The following PDE10A variants were observed in gnomAD, a reference collection of about 807,000 sequenced individuals.
PDE10A encodes cAMP and cAMP-inhibited cGMP 3',5'-cyclic phosphodiesterase 10A.
PDE10A carries 39 observed loss-of-function variants against 97.7 expected under a neutral mutation model. That is an observed-to-expected ratio of 0.40 (90% CI 0.31 to 0.52). The LOEUF (loss-of-function observed/expected upper bound fraction) is 0.52, where lower values mean the gene tolerates loss of function less well. Ranked by LOEUF, PDE10A falls within the 20% of genes least tolerant of loss-of-function variation. The probability of loss-of-function intolerance (pLI) is 0.56; values close to 1 mark genes in which losing one functional copy is unlikely to be tolerated. For missense variants in PDE10A, 731 were observed against 1,047.8 expected (o/e 0.70, Z 4.17); for synonymous variants, 371 against 376.8 (o/e 0.98, Z 0.18).
At chr6:165,467,178 G>C (rs151091507) in intron 3 of PDE10A, among the ~76,000 whole-genome samples, 29 of 152,338 alleles carry the variant, frequency 1.9e-4, no homozygotes, top group African/African-American at 6.5e-4. Context: ...GTTACTTCAT[G>C]AGGTTTAAAG....
chr6:165,788,288 C>T (rs1056305230), intron 1 of PDE10A, among the ~76,000 whole-genome samples: 4 of 151,856 alleles, frequency 2.6e-5, no homozygotes, highest in Non-Finnish European at 5.9e-5. Context: ...GAGGCCGAGG[C>T]GGGCAGATCA....
At chr6:165,603,522 T>C (rs547533268) in intron 1 of PDE10A, among the ~76,000 whole-genome samples, 1 of 152,340 alleles carries the variant, frequency 6.6e-6, no homozygotes, top group African/African-American at 2.4e-5. Context: ...CAGAGGGAAG[T>C]CTTCCCGAAA....
At chr6:165,925,032 A>G (rs980022298) in intron 1 of PDE10A, among the ~76,000 whole-genome samples, 2 of 152,184 alleles carry the variant, frequency 1.3e-5, no homozygotes, top group African/African-American at 4.8e-5. Flanking sequence ...AAGGTCTTGA[A>G]TCTAGAACCT....
chr6:165,857,433 G>A (rs1375774252), intron 1 of PDE10A, among the ~76,000 whole-genome samples: 1 of 152,176 alleles, frequency 6.6e-6, no homozygotes, highest in African/African-American at 2.4e-5. Context: ...CTCTTATAAG[G>A]TCTTGCACAA....
chr6:165,975,109 C>T (rs1784810287), intron 1 of PDE10A, among the ~76,000 whole-genome samples: 2 of 152,230 alleles, frequency 1.3e-5, no homozygotes, highest in Admixed American at 6.5e-5. Context: ...CTGTACACTC[C>T]TCTGCTGTGG....
chr6:165,830,589 C>G (rs1476414932), intron 1 of PDE10A, among the ~76,000 whole-genome samples: 1 of 152,044 alleles, frequency 6.6e-6, no homozygotes, highest in Non-Finnish European at 1.5e-5. Flanking sequence ...CGGGAGTTAC[C>G]CACAAGACCA....
intron 11 of PDE10A, among the ~76,000 whole-genome samples, chr6:165,417,420 G>A (rs913747574): frequency 6.6e-6 from 1 of 152,172 alleles, no homozygotes. Context: ...TTAAGAAGCC[G>A]CCCTTACATA....
At chr6:165,343,779 G>A (rs1782126710) in intron 18 of PDE10A, among the ~76,000 whole-genome samples, 4 of 152,166 alleles carry the variant, frequency 2.6e-5, no homozygotes, top group Non-Finnish European at 4.4e-5. Context: ...TGTAGGCTCT[G>A]ACTAGGCTGC....
chr6:165,523,778 A>G (rs780054425), intron 2 of PDE10A, among the ~76,000 whole-genome samples: 2 of 152,314 alleles, frequency 1.3e-5, no homozygotes, highest in Admixed American at 6.5e-5. Flanking sequence ...AAACCTAACT[A>G]AAGAGCTCTG....
At chr6:165,678,308 C>T (rs1790881967) in intron 1 of PDE10A, among the ~76,000 whole-genome samples, 1 of 40,014 alleles carries the variant, frequency 2.5e-5, no homozygotes. Context: ...GTTGTGTGTG[C>T]ATGTGTGTGC....
intron 3 of PDE10A, among the ~76,000 whole-genome samples, chr6:165,462,155 T>C (rs992595919): frequency 6.6e-6 from 1 of 152,208 alleles, no homozygotes; most frequent in African/African-American, 2.4e-5. Flanking sequence ...TTTTTCTCTA[T>C]GTGGAATATT....
intron 2 of PDE10A, among the ~76,000 whole-genome samples, chr6:165,507,008 T>A (rs181525410): frequency 5.3e-5 from 8 of 152,164 alleles, no homozygotes; most frequent in Non-Finnish European, 1.0e-4. Flanking sequence ...TTAGAATTTA[T>A]GTTTTTGAAA....
intron 2 of PDE10A, among the ~76,000 whole-genome samples, chr6:165,500,624 G>T (rs969184229): frequency 2.0e-5 from 3 of 152,136 alleles, no homozygotes; most frequent in African/African-American, 7.2e-5. Context: ...CCACATGATG[G>T]CCTCATGGGA....
At chr6:165,765,643 C>T (rs947101344) in intron 1 of PDE10A, among the ~76,000 whole-genome samples, 9 of 152,204 alleles carry the variant, frequency 5.9e-5, no homozygotes, top group African/African-American at 2.2e-4. Context: ...CCACATGCAG[C>T]CCCGGTTCCT....
At chr6:165,578,906 G>C (rs1473287540) in intron 1 of PDE10A, among the ~76,000 whole-genome samples, 5 of 152,126 alleles carry the variant, frequency 3.3e-5, no homozygotes, top group South Asian at 2.1e-4. Flanking sequence ...GAGGTCTATA[G>C]GAAAAAGAAG....
chr6:165,845,743 A>G (rs1583181890), intron 1 of PDE10A, among the ~76,000 whole-genome samples: 3 of 152,376 alleles, frequency 2.0e-5, no homozygotes, highest in South Asian at 2.1e-4. Context: ...CAAGCATTAA[A>G]TTGTACCATT....
chr6:165,653,567 C>T (rs1382385060), intron 1 of PDE10A, among the ~76,000 whole-genome samples: 3 of 152,206 alleles, frequency 2.0e-5, no homozygotes, highest in Non-Finnish European at 2.9e-5. Flanking sequence ...GAGAGCTCCA[C>T]AGGAGCGCAG....
At chr6:165,514,085 T>C (rs1434424668) in intron 2 of PDE10A, among the ~76,000 whole-genome samples, 1 of 152,216 alleles carries the variant, frequency 6.6e-6, no homozygotes, top group Admixed American at 6.5e-5. Context: ...GTATGTTCTA[T>C]TACATTAACT....
chr6:165,491,140 A>G lies in PDE10A; in HGVS notation c.995-8797T>C, dbSNP rs998525693. Among the ~76,000 whole-genome samples the G allele has an allele frequency of 8.1e-4, 123 of 152,332 alleles. 1 individual carries two copies. The highest frequency in any genetic ancestry group is 1.0e-4 in the Non-Finnish European group (7 of 68,028). On this transcript the variant is annotated intron_variant, in intron 2 of 21. Coordinates refer to ENST00000539869, the MANE Select transcript of PDE10A (RefSeq NM_001385079.1). ...CAGACAGGACAAACTTTAAAGCAAC[A>G]GCAGTTAAGAAAGACAAAGAGGGAC...
Sources: allele counts gnomAD v4.1 joint callset (sites outside exome capture counted in the v4.1 genomes callset), GRCh38; gene constraint gnomAD v4.1.1; transcripts MANE v1.5; gene names NCBI Gene and HGNC (gene_info 2026-07-23, HGNC 2026-07-21).